The following CUX1 variants were observed in gnomAD, a reference collection of about 807,000 sequenced individuals.
CUX1 encodes protein CASP.
A neutral mutation model predicts 158.8 loss-of-function variants in CUX1; 31 were observed. That is an observed-to-expected ratio of 0.20 (90% CI 0.15 to 0.26). The LOEUF is 0.26. Among genes scored for constraint, CUX1 ranks in the 10% least tolerant of loss-of-function variants. The pLI is 1.00. For synonymous variants in CUX1, 879 were observed against 862.1 expected (o/e 1.02, Z -0.34); for missense variants, 1,589 against 2,014.6 (o/e 0.79, Z 4.04).
At chr7:102,022,623 A>G (rs1162659408) in intron 2 of CUX1, among the ~76,000 whole-genome samples, 3 of 152,020 alleles carry the variant, frequency 2.0e-5, no homozygotes, top group Non-Finnish European at 4.4e-5. Flanking sequence ...CAAAAAAAAA[A>G]AAAAAGAAAA....
chr7:102,166,432 G>T (rs767572639), intron 9 of CUX1, among the ~76,000 whole-genome samples: 1 of 152,178 alleles, frequency 6.6e-6, no homozygotes, highest in Non-Finnish European at 1.5e-5. Context: ...GGAGACGGGA[G>T]TCCGGCGGTG....
intron 1 of CUX1, among the ~76,000 whole-genome samples, chr7:101,872,748 T>C (rs186745865): frequency 1.3e-5 from 2 of 152,250 alleles, no homozygotes; most frequent in East Asian, 1.9e-4. Context: ...GGGTATTTTT[T>C]CCCCCTCTCT....
chr7:102,243,441 T>C (rs1423658022), intron 23 of CUX1, among the ~76,000 whole-genome samples: 1 of 151,874 alleles, frequency 6.6e-6, no homozygotes, highest in Non-Finnish European at 1.5e-5. Flanking sequence ...AGGTATGAAA[T>C]GAGCAGGCTC....
In CUX1 at chr7:102,058,343, G is replaced by A. The variant is rs187790762; in HGVS notation, c.190-11996G>A. Among the ~76,000 whole-genome samples the A allele has an allele frequency of 2.7e-3, 406 of 152,176 alleles. 6 individuals carry two copies. Among genetic ancestry groups the A allele is most frequent in the Admixed American group, 0.024 (361 of 15,286 alleles). On this transcript the variant is annotated intron_variant, in intron 3 of 23. Coordinates refer to ENST00000292535, the MANE Select transcript of CUX1 (RefSeq NM_181552.4). ...GGCTGGAGTACAGTGGCACAATCTCGGCTCACTGCAACCTCCACCTCCAGG... is the reference window on the plus strand; with the variant it reads ...GGCTGGAGTACAGTGGCACAATCTCAGCTCACTGCAACCTCCACCTCCAGG...
intron 4 of CUX1, among the ~76,000 whole-genome samples, chr7:102,080,586 A>G (rs1490954698): frequency 2.0e-5 from 3 of 152,158 alleles, no homozygotes; most frequent in Non-Finnish European, 2.9e-5. Context: ...CATGAGCCTC[A>G]TGTCTATTAA....
upstream of CUX1, chr7:101,816,976 G>T: frequency 1.0e-6 from 1 of 983,750 alleles, no homozygotes; most frequent in Non-Finnish European, 1.2e-6. Flanking sequence ...CGCACCTCGC[G>T]GCCGCCGCGC....
chr7:102,154,626 A>AAATAAATG (rs1461585408), intron 8 of CUX1, among the ~76,000 whole-genome samples: 8 of 151,886 alleles, frequency 5.3e-5, no homozygotes, highest in African/African-American at 1.9e-4. Context: ...ATAAATAAAT[A>AAATAAATG]AATAAATAGC....
chr7:101,977,459 A>C (rs1450891135), intron 2 of CUX1, among the ~76,000 whole-genome samples: 1 of 152,148 alleles, frequency 6.6e-6, no homozygotes, highest in African/African-American at 2.4e-5. Flanking sequence ...TGGACAGTGT[A>C]GCAAGACCCC....
chr7:102,018,262 G>A (rs1395007016), intron 2 of CUX1, among the ~76,000 whole-genome samples: 4 of 152,220 alleles, frequency 2.6e-5, no homozygotes, highest in Non-Finnish European at 2.9e-5. Flanking sequence ...TGCCCAGTCA[G>A]AGGTTTCGAC....
Position 102,256,023 on chromosome 7 carries a change from C to G in CUX1, c.*6981C>G, listed in dbSNP as rs1214083332. On this transcript the variant is annotated 3_prime_UTR_variant, in exon 24 of 24. Transcript: ENST00000292535. Reference sequence around the variant, plus strand: ...TGAATGAGTTTGTTCACTGTAGTTCCGTTTGTTCATGAACCGAAGGGAAAA... The same window carrying G: ...TGAATGAGTTTGTTCACTGTAGTTCGGTTTGTTCATGAACCGAAGGGAAAA... 3.0e-6 allele frequency: 3 copies of G among 985,298 alleles called. No individual in the cohort carries two copies. The highest frequency in any genetic ancestry group is 2.3e-4 in the East Asian group (2 of 8,826). 61.0% of individuals were successfully genotyped at this position (985,298 alleles called of 1,614,324 possible).
intron 1 of CUX1, among the ~76,000 whole-genome samples, chr7:101,868,135 C>T (rs1040377652): frequency 5.3e-5 from 8 of 152,232 alleles, no homozygotes; most frequent in Admixed American, 2.0e-4. Flanking sequence ...GCGAGCTTTT[C>T]TCTTTTTAAG....
chr7:101,981,219 C>T (rs1563087864), intron 2 of CUX1, among the ~76,000 whole-genome samples: 1 of 152,082 alleles, frequency 6.6e-6, no homozygotes, highest in Non-Finnish European at 1.5e-5. Context: ...TATACACACG[C>T]CTCACTTTCC....
intron 8 of CUX1, chr7:102,153,637 G>A (rs1335634773): frequency 1.3e-5 from 2 of 152,288 alleles, no homozygotes; most frequent in East Asian, 1.9e-4. Context: ...CGGCAGAAAG[G>A]CATTGAATGC....
At position 102,256,331 on chromosome 7, in the gene CUX1, C is replaced by T. The variant is rs1243258683; in HGVS notation, c.*7289C>T. On this transcript the variant is annotated 3_prime_UTR_variant, in exon 24 of 24. Coordinates refer to ENST00000292535, the MANE Select transcript of CUX1 (RefSeq NM_181552.4). Reference sequence around the variant, plus strand: ...TTCCTTGAGAAAAAAAAAATTATTTCTATCCTCTTCTATTTATTATTAGGT... The same window carrying T: ...TTCCTTGAGAAAAAAAAAATTATTTTTATCCTCTTCTATTTATTATTAGGT... The T allele has an allele frequency of 3.0e-6, 3 of 984,446 alleles. No individual in the cohort carries two copies. Among genetic ancestry groups the T allele is most frequent in the Non-Finnish European group, 3.6e-6 (3 of 829,112 alleles). The allele number at this position is 984,446 out of a possible 1,614,324, so 61.0% of individuals were successfully genotyped here.
intron 8 of CUX1, among the ~76,000 whole-genome samples, chr7:102,127,817 C>A (rs1348164227): frequency 1.4e-5 from 2 of 147,740 alleles, no homozygotes; most frequent in African/African-American, 5.1e-5. Context: ...GTGGCTGTGG[C>A]ATCTTTTTCG....
At chr7:101,980,747 C>A in intron 2 of CUX1, among the ~76,000 whole-genome samples, 1 of 152,138 alleles carries the variant, frequency 6.6e-6, no homozygotes, top group Non-Finnish European at 1.5e-5. Context: ...TCTGTGACCC[C>A]CGGCCCAAGA....
At chr7:102,279,530 G>A (rs1480710004) in intron 18 of CUX1, among the ~76,000 whole-genome samples, 1 of 152,058 alleles carries the variant, frequency 6.6e-6, no homozygotes, top group African/African-American at 2.4e-5. Flanking sequence ...CTATGAGTGA[G>A]AGAAGAGCGT....
intron 2 of CUX1, among the ~76,000 whole-genome samples, chr7:101,952,717 C>T (rs573664995): frequency 3.3e-5 from 5 of 152,334 alleles, no homozygotes; most frequent in East Asian, 1.9e-4. Flanking sequence ...CCTTTTCTGC[C>T]GCCACCTTCT....
At chr7:102,268,068 C>A (rs1790938595) in intron 14 of CUX1, among the ~76,000 whole-genome samples, 1 of 152,246 alleles carries the variant, frequency 6.6e-6, no homozygotes, top group African/African-American at 2.4e-5. Context: ...GATGAGGTCC[C>A]AGTCTTTCCT....
Sources: gnomAD v4.1 joint callset for allele counts (sites outside exome capture counted in the v4.1 genomes callset) on GRCh38, gnomAD v4.1.1 for gene constraint, MANE v1.5 for transcripts, NCBI Gene and HGNC (gene_info 2026-07-23, HGNC 2026-07-21) for gene names.